The following ENTPD5 variants were observed in gnomAD, a reference collection of about 807,000 sequenced individuals.
ENTPD5 encodes the protein nucleoside diphosphate phosphatase ENTPD5.
Under a neutral mutation model 60.2 loss-of-function variants are expected in ENTPD5, and 49 were observed. The observed-to-expected ratio is 0.81, with a 90% confidence interval of 0.65 to 1.03. The LOEUF (loss-of-function observed/expected upper bound fraction) is 1.03, where lower values mean the gene tolerates loss of function less well. ENTPD5 is among the 50% of genes least tolerant of loss of function. The pLI is 0.00. For synonymous variants in ENTPD5, 187 were observed against 185.4 expected (o/e 1.01, Z -0.07); for missense variants, 480 against 507.6 (o/e 0.95, Z 0.52).
chr14:73,978,673 C>T (rs2057544158), intron 6 of ENTPD5, among the ~76,000 whole-genome samples: 1 of 151,678 alleles, frequency 6.6e-6, no homozygotes, highest in Non-Finnish European at 1.5e-5. Flanking sequence ...ATAGAAAAAG[C>T]CAAAGTGCGG....
downstream of ENTPD5, chr14:73,959,975 G>A (rs2056636542): frequency 2.9e-6 from 3 of 1,043,824 alleles, no homozygotes; most frequent in Non-Finnish European, 3.5e-6. Flanking sequence ...TGTACACACG[G>A]AAATGCAAAA....
intron 5 of ENTPD5, among the ~76,000 whole-genome samples, chr14:73,985,784 C>T (rs2057874646): frequency 6.6e-6 from 1 of 151,900 alleles, no homozygotes; most frequent in Non-Finnish European, 1.5e-5. Context: ...GAAAATATAT[C>T]CTCTCGGGGC....
chr14:73,963,112 A>AT, downstream of ENTPD5: 1 of 957,794 alleles, frequency 1.0e-6, no homozygotes, highest in Non-Finnish European at 1.7e-6. Flanking sequence ...TTACATTAAA[A>AT]TTCTCTTTTT....
intron 2 of ENTPD5, among the ~76,000 whole-genome samples, chr14:74,013,124 G>A (rs1303823668): frequency 6.6e-6 from 1 of 152,206 alleles, no homozygotes; most frequent in Non-Finnish European, 1.5e-5. Context: ...GAATCAGTAG[G>A]TCTCAGGTGG....
downstream of ENTPD5, chr14:73,955,821 C>T (rs370159435): frequency 4.3e-6 from 7 of 1,613,994 alleles, no homozygotes; most frequent in African/African-American, 8.0e-5. Flanking sequence ...GACGCCTGCT[C>T]AGAGGCCCTG....
intron 3 of ENTPD5, among the ~76,000 whole-genome samples, chr14:74,005,322 G>A (rs2058641593): frequency 7.2e-6 from 1 of 138,524 alleles, no homozygotes; most frequent in Non-Finnish European, 1.5e-5. Flanking sequence ...AACCAGGCGT[G>A]GTGGCTCATG....
intron 1 of ENTPD5, among the ~76,000 whole-genome samples, chr14:74,017,578 CA>C (rs1188373135): frequency 0.021 from 1,988 of 93,370 alleles, 21 homozygotes; most frequent in African/African-American, 0.054. Flanking sequence ...AACTCTGTCT[CA>C]AAAAAAAAAA....
At chr14:73,961,490 A>C, downstream of ENTPD5, 1 of 1,614,226 alleles carries the variant, frequency 6.2e-7, no homozygotes, top group Non-Finnish European at 8.5e-7. Context: ...CTTGCAGGAC[A>C]GGGTGTCAAC....
At chr14:73,996,234 G>A (rs766728091) in intron 3 of ENTPD5, 38 of 980,838 alleles carry the variant, frequency 3.9e-5, no homozygotes, top group Non-Finnish European at 4.1e-5. Flanking sequence ...GTGCCAGTTT[G>A]CAACTAACAG....
chr14:73,988,171 G>C lies in ENTPD5; in HGVS notation c.-69C>G. ...GCAATCCTGCTCGCACACCTGCAGAGGCTTATAGGACAAAGACACACAAGT... is the reference window on the plus strand; with the variant it reads ...GCAATCCTGCTCGCACACCTGCAGACGCTTATAGGACAAAGACACACAAGT... On this transcript the variant is annotated splice_region_variant and 5_prime_UTR_variant, in exon 4 of 16. Coordinates refer to ENST00000334696, the MANE Select transcript of ENTPD5 (RefSeq NM_001249.5). The C allele has an allele frequency of 1.2e-5, 18 of 1,524,158 alleles. No individual in the cohort carries two copies. The highest frequency in any genetic ancestry group is 1.6e-5 in the Non-Finnish European group (18 of 1,134,382). The allele number at this position is 1,524,158 out of a possible 1,614,324, so 94.4% of individuals were successfully genotyped here.
At chr14:74,004,164 C>T (rs1207067790) in intron 3 of ENTPD5, among the ~76,000 whole-genome samples, 2 of 151,504 alleles carry the variant, frequency 1.3e-5, no homozygotes, top group Non-Finnish European at 1.5e-5. Flanking sequence ...TATTTATTAT[C>T]TCATCCCTTT....
downstream of ENTPD5, chr14:73,959,553 G>A (rs762880524): frequency 6.2e-7 from 1 of 1,614,030 alleles, no homozygotes; most frequent in East Asian, 2.2e-5. Flanking sequence ...CTGATGATGT[G>A]CTGCAGGGGG....
At chr14:73,974,864 G>A in intron 11 of ENTPD5, 60 bp downstream of exon 11, 2 of 1,340,534 alleles carry the variant, frequency 1.5e-6, no homozygotes, top group Non-Finnish European at 1.1e-6. Context: ...AAGGGAAGAA[G>A]CAAGCGGAGT....
rs1020618907 is a variant in ENTPD5, at chr14:73,998,401, G to A, written c.-70-10229C>T. 2.4e-4 allele frequency among the ~76,000 whole-genome samples: 36 copies of A among 151,758 alleles called. 1 individual carries two copies. The highest frequency in any genetic ancestry group is 7.8e-4 in the African/African-American group (32 of 41,098). ...AAGGAGCTCCCTGACCCCTTCTTTC[G>A]AAACAGATCCTTTTGTCTTTGTCTT... On this transcript the variant is annotated intron_variant, in intron 3 of 15. Coordinates refer to ENST00000334696, the MANE Select transcript of ENTPD5 (RefSeq NM_001249.5).
intron 3 of ENTPD5, among the ~76,000 whole-genome samples, chr14:73,991,709 T>A (rs2058142433): frequency 6.7e-6 from 1 of 148,958 alleles, no homozygotes; most frequent in African/African-American, 2.5e-5. Context: ...TAGAGGTCAA[T>A]AGCACATCCC....
chr14:73,962,749 T>G (rs2056804419), downstream of ENTPD5: 1 of 562,652 alleles, frequency 1.8e-6, no homozygotes, highest in African/African-American at 1.9e-5. Context: ...CCTAGGAGTT[T>G]GAGGCTGCAG....
chr14:73,996,122 C>T (rs2058335152), intron 3 of ENTPD5: 11 of 985,174 alleles, frequency 1.1e-5, no homozygotes, highest in South Asian at 9.4e-5. Flanking sequence ...TTGTGTCTGC[C>T]GGTTCCCTGA....
chr14:73,983,902 G>A (rs1245678559), intron 5 of ENTPD5, among the ~76,000 whole-genome samples: 1 of 151,858 alleles, frequency 6.6e-6, no homozygotes, highest in Non-Finnish European at 1.5e-5. Flanking sequence ...TCTTGGCCAG[G>A]CTGGTCTCGA....
chr14:73,991,757 GTC>G (rs1374750977), intron 3 of ENTPD5, among the ~76,000 whole-genome samples: 7 of 151,538 alleles, frequency 4.6e-5, no homozygotes, highest in Non-Finnish European at 8.8e-5. Context: ...AACCAAAAAC[GTC>G]TCCAGACATT....
Sources: gnomAD v4.1 joint callset for allele counts (sites outside exome capture counted in the v4.1 genomes callset) on GRCh38, gnomAD v4.1.1 for gene constraint, MANE v1.5 for transcripts, NCBI Gene and HGNC (gene_info 2026-07-23, HGNC 2026-07-21) for gene names.